Variants in CREM observed in about 807,000 individuals in gnomAD.
The protein encoded by CREM is cAMP responsive element modulator, also known as cAMP-responsive element modulator.
In CREM, 13 loss-of-function variants were observed where a neutral mutation model predicts 37.3. That is an observed-to-expected ratio of 0.35 (90% confidence interval 0.23 to 0.55). The LOEUF (loss-of-function observed/expected upper bound fraction) is 0.55, where lower values mean the gene tolerates loss of function less well. Among genes scored for constraint, CREM ranks in the 20% least tolerant of loss-of-function variants. CREM has a pLI of 0.88. For missense variants in CREM, 296 were observed against 362.3 expected (o/e 0.82, Z 1.49); for synonymous variants, 124 against 120.2 (o/e 1.03, Z -0.21).
At chr10:35,158,832 T>C (rs2093107879) in intron 3 of CREM, among the ~76,000 whole-genome samples, 1 of 147,936 alleles carries the variant, frequency 6.8e-6, no homozygotes, top group Non-Finnish European at 1.5e-5. Context: ...TTTTTTTTTT[T>C]TTTTTACAGA....
intron 6 of CREM, among the ~76,000 whole-genome samples, chr10:35,195,469 C>G (rs1318861959): frequency 6.6e-6 from 1 of 151,868 alleles, no homozygotes; most frequent in Non-Finnish European, 1.5e-5. Context: ...ATCCTCCCTC[C>G]CCTCCTCCCC....
intron 2 of CREM, among the ~76,000 whole-genome samples, chr10:35,139,125 C>G (rs1488672073): frequency 7.4e-6 from 1 of 135,916 alleles, no homozygotes; most frequent in Non-Finnish European, 1.6e-5. Context: ...TCCATTTTAG[C>G]AATTTTTTTT....
In CREM at chr10:35,206,936, A is replaced by G. The variant is rs563584557; in HGVS notation, c.640A>G (p.Thr214Ala). ...DMPTYQIRAP[T>A]AALPQGVVMA... ...GCCAACTTACCAGATCCGAGCTCCT[A>G]CTGCTGCTTTGCCACAGGGAGTGGT... The change falls in exon 7 of 8, where the codon ACT becomes GCT. Residue 214 changes from threonine (T) to alanine (A), a missense_variant. Physicochemically the swap from Thr to Ala is moderately conservative, Grantham distance 58. Transcript: ENST00000685392. The G allele has an allele frequency of 6.2e-7, 1 of 1,613,964 alleles. No individual in the cohort carries two copies. The highest frequency in any genetic ancestry group is 1.7e-5 in the Admixed American group (1 of 60,026).
intron 3 of CREM, among the ~76,000 whole-genome samples, chr10:35,178,092 A>G (rs184568644): frequency 1.1e-3 from 160 of 152,310 alleles, no homozygotes; most frequent in Admixed American, 0.01. Context: ...TGTAATTATA[A>G]TATGAAGTGA....
At chr10:35,169,965 C>CTTTTTTTTTT (rs71033381) in intron 3 of CREM, among the ~76,000 whole-genome samples, 1 of 135,550 alleles carries the variant, frequency 7.4e-6, no homozygotes. Context: ...GGTGGAGAAG[C>CTTTTTTTTTT]TTTTTTTTTT....
intron 1 of CREM, among the ~76,000 whole-genome samples, chr10:35,134,942 G>A (rs1280122564): frequency 6.6e-6 from 1 of 152,022 alleles, no homozygotes; most frequent in Non-Finnish European, 1.5e-5. Context: ...GGAGGCTGAG[G>A]CATGAGAACT....
At chr10:35,161,088 AT>A (rs754571997) in intron 3 of CREM, among the ~76,000 whole-genome samples, 2 of 152,206 alleles carry the variant, frequency 1.3e-5, no homozygotes, top group East Asian at 1.9e-4. Context: ...AGTAACAGTC[AT>A]TTTTTTATTA....
At chr10:35,153,684 C>T (rs570952243) in intron 3 of CREM, among the ~76,000 whole-genome samples, 9 of 152,260 alleles carry the variant, frequency 5.9e-5, no homozygotes, top group African/African-American at 1.9e-4. Context: ...GAGGCCTCGA[C>T]TCTGAAAGCT....
chr10:35,178,892 G>T lies in CREM; in HGVS notation c.172G>T (p.Ala58Ser), dbSNP rs757481624. ...QNSIPALAQV[A>S]AIAETDESAE... is the part of the protein sequence containing the mutation. ...TTCAGAAAATCTTGTATTATAGGTA[G>T]CAGCAATTGCAGAGACAGATGAATC... Residue 58 changes from alanine (A) to serine (S), a missense_variant, in exon 4 of 8, where the codon GCA becomes TCA. Physicochemically the swap from Ala to Ser is moderately conservative, Grantham distance 99. This residue lies in a region of CREM where 257 missense variants were observed against 280.2 expected (regional missense o/e 0.92). Transcript: ENST00000685392. The T allele has an allele frequency of 2.7e-5, 43 of 1,606,186 alleles. No individual in the cohort carries two copies. The South Asian group carries it at 4.6e-4, about 17-fold the overall frequency.
intron 3 of CREM, 141 bp downstream of exon 3, chr10:35,148,632 A>G: frequency 1.1e-6 from 1 of 943,082 alleles, no homozygotes; most frequent in Non-Finnish European, 1.5e-6. Context: ...TTGTGAAGAA[A>G]AGATACGTGT....
At chr10:35,194,117 A>AAAAAT (rs2095045635) in intron 6 of CREM, among the ~76,000 whole-genome samples, 1 of 150,206 alleles carries the variant, frequency 6.7e-6, no homozygotes, top group African/African-American at 2.4e-5. Flanking sequence ...AAAAAAAAAA[A>AAAAAT]AAAAAAAGAC....
chr10:35,157,656 A>G (rs893643656), intron 3 of CREM, among the ~76,000 whole-genome samples: 2 of 147,328 alleles, frequency 1.4e-5, no homozygotes, highest in Non-Finnish European at 3.0e-5. Flanking sequence ...AAAAAAAAAA[A>G]GTCACAGATG....
chr10:35,158,817 GTTTGTTTTTTT>G (rs2093102251), intron 3 of CREM, among the ~76,000 whole-genome samples: 1 of 65,048 alleles, frequency 1.5e-5, no homozygotes, highest in Non-Finnish European at 3.7e-5. Flanking sequence ...TTGTTGTTTT[GTTTGTTTTTTT>G]TTTTTTTTTA....
At chr10:35,194,498 G>C in intron 6 of CREM, among the ~76,000 whole-genome samples, 1 of 152,190 alleles carries the variant, frequency 6.6e-6, no homozygotes, top group Non-Finnish European at 1.5e-5. Flanking sequence ...CAATCTAGTA[G>C]TTATGGGAGA....
intron 3 of CREM, chr10:35,171,161 CTTTTTTTTTT>C (rs35404510): frequency 1.6e-4 from 13 of 82,688 alleles, no homozygotes; most frequent in African/African-American, 4.9e-4. Flanking sequence ...TTAACCAAGC[CTTTTTTTTTT>C]TTTTTTTTTT....
chr10:35,166,778 C>T (rs1309481056), intron 3 of CREM, among the ~76,000 whole-genome samples: 1 of 152,076 alleles, frequency 6.6e-6, no homozygotes, highest in Non-Finnish European at 1.5e-5. Flanking sequence ...CTCAAGATAA[C>T]CGAAATGAAG....
chr10:35,201,607 T>C (rs761730165), intron 6 of CREM: 150 of 1,318,392 alleles, frequency 1.1e-4, no homozygotes, highest in Non-Finnish European at 1.5e-4. Flanking sequence ...GTTCTAGGAA[T>C]TTTCTTTTCC....
rs1491230780 is a variant in CREM, at chr10:35,158,817, G to GTT, written c.168+10328_168+10329dup. On this transcript the variant is annotated intron_variant, in intron 3 of 7. Transcript: ENST00000685392. ...TATAGTGTTTTTTTTTTGTTGTTTT[G>GTT]TTTGTTTTTTTTTTTTTTTTACAGA... 3.8e-3 allele frequency among the ~76,000 whole-genome samples: 249 copies of GTT among 64,996 alleles called. 5 individuals carry two copies. Among genetic ancestry groups the GTT allele is most frequent in the African/African-American group, 0.011 (242 of 21,916 alleles). The allele number at this position is 64,996 out of a possible 152,430, so 42.6% of individuals were successfully genotyped here.
chr10:35,187,074 TA>T, intron 5 of CREM, among the ~76,000 whole-genome samples: 1 of 58,822 alleles, frequency 1.7e-5, no homozygotes, highest in African/African-American at 6.5e-5. Context: ...ATTAATATAA[TA>T]ATATATATAA....
Sources: gnomAD v4.1 joint callset for allele counts (sites outside exome capture counted in the v4.1 genomes callset) on GRCh38, gnomAD v4.1.1 for gene constraint, gnomAD v4.1.1 regional missense constraint, MANE v1.5 for transcripts, NCBI Gene and HGNC (gene_info 2026-07-23, HGNC 2026-07-21) for gene names.